Variants in AFG1L observed in about 807,000 individuals in gnomAD.
The protein encoded by AFG1L is AFG1 like ATPase.
Under a neutral mutation model 62.2 loss-of-function variants are expected in AFG1L, and 53 were observed. That is an observed-to-expected ratio of 0.85 (90% CI 0.68 to 1.07). AFG1L has a LOEUF of 1.07. AFG1L is among the 50% of genes least tolerant of loss of function. AFG1L has a pLI of 0.00. For missense variants in AFG1L, 555 were observed against 590.5 expected (o/e 0.94, Z 0.62); for synonymous variants, 228 against 210.3 (o/e 1.08, Z -0.73).
intron 6 of AFG1L, among the ~76,000 whole-genome samples, chr6:108,375,819 C>T (rs1293094562): frequency 6.6e-6 from 1 of 152,050 alleles, no homozygotes; most frequent in African/African-American, 2.4e-5. Flanking sequence ...TAGGGTGATA[C>T]TGGCTTTGTA....
At chr6:108,393,334 A>C (rs1385979002) in intron 6 of AFG1L, among the ~76,000 whole-genome samples, 3 of 152,078 alleles carry the variant, frequency 2.0e-5, no homozygotes, top group Non-Finnish European at 2.9e-5. Context: ...ATTACAAAAA[A>C]CTCTTCAATT....
At chr6:108,427,580 G>A (rs762771158) in intron 7 of AFG1L, among the ~76,000 whole-genome samples, 1 of 145,928 alleles carries the variant, frequency 6.9e-6, no homozygotes, top group Non-Finnish European at 1.5e-5. Flanking sequence ...GGAGTGCAGT[G>A]GCATAATCTT....
At chr6:108,405,291 A>G (rs1781801144) in intron 7 of AFG1L, among the ~76,000 whole-genome samples, 1 of 152,142 alleles carries the variant, frequency 6.6e-6, no homozygotes, top group African/African-American at 2.4e-5. Flanking sequence ...GAGACTTTGA[A>G]TCTTAATGTT....
chr6:108,301,946 ATT>A (rs765549539), intron 1 of AFG1L, among the ~76,000 whole-genome samples: 25 of 141,350 alleles, frequency 1.8e-4, no homozygotes, highest in Admixed American at 2.9e-4. Context: ...ATGAGACTAG[ATT>A]TTTTTTTTTT....
At chr6:108,460,559 C>G (rs1420596770) in intron 8 of AFG1L, among the ~76,000 whole-genome samples, 1 of 152,214 alleles carries the variant, frequency 6.6e-6, no homozygotes, top group East Asian at 1.9e-4. Flanking sequence ...TTCCCCTCAT[C>G]TGTTCTTCCT....
chr6:108,417,339 G>A (rs962457272), intron 7 of AFG1L, among the ~76,000 whole-genome samples: 2 of 151,202 alleles, frequency 1.3e-5, no homozygotes, highest in African/African-American at 4.9e-5. Context: ...GACCCACACT[G>A]GCAGTTTGAG....
chr6:108,450,868 A>G (rs1193642227), intron 8 of AFG1L, among the ~76,000 whole-genome samples: 2 of 151,304 alleles, frequency 1.3e-5, no homozygotes, highest in African/African-American at 4.9e-5. Context: ...TCCTTTCCCC[A>G]TTTCTTAAGA....
At chr6:108,464,031 C>T (rs991905076) in intron 8 of AFG1L, among the ~76,000 whole-genome samples, 1 of 152,114 alleles carries the variant, frequency 6.6e-6, no homozygotes, top group Non-Finnish European at 1.5e-5. Flanking sequence ...ATTTCTGCGT[C>T]GAATCAACTT....
At chr6:108,302,659 GC>G (rs1358819683) in intron 1 of AFG1L, among the ~76,000 whole-genome samples, 2 of 152,120 alleles carry the variant, frequency 1.3e-5, no homozygotes, top group African/African-American at 2.4e-5. Flanking sequence ...TTCCAAAGGA[GC>G]TTTTATTGGC....
At chr6:108,473,374 C>T (rs776430316) in intron 8 of AFG1L, among the ~76,000 whole-genome samples, 3 of 151,994 alleles carry the variant, frequency 2.0e-5, no homozygotes, top group Non-Finnish European at 4.4e-5. Context: ...ATTTATTCAC[C>T]AAATATGCTT....
intron 7 of AFG1L, among the ~76,000 whole-genome samples, chr6:108,431,180 T>G (rs1274274914): frequency 6.6e-6 from 1 of 152,040 alleles, no homozygotes; most frequent in Non-Finnish European, 1.5e-5. Flanking sequence ...CTTGGCTCAC[T>G]GCAACCTCCG....
chr6:108,476,808 T>C, intron 8 of AFG1L, 57 bp from the exon 9 acceptor site: 3 of 1,286,588 alleles, frequency 2.3e-6, no homozygotes, highest in Non-Finnish European at 3.4e-6. Flanking sequence ...CAGGCAGCTG[T>C]TTGATGTTGG....
intron 10 of AFG1L, among the ~76,000 whole-genome samples, chr6:108,503,977 A>G (rs2114883087): frequency 6.6e-6 from 1 of 152,308 alleles, no homozygotes; most frequent in Non-Finnish European, 1.5e-5. Flanking sequence ...ACCTCTTTCA[A>G]TCTTCATGTA....
intron 2 of AFG1L, among the ~76,000 whole-genome samples, chr6:108,338,940 C>T (rs754891913): frequency 6.6e-6 from 1 of 151,774 alleles, no homozygotes; most frequent in East Asian, 1.9e-4. Context: ...TGGAGTGCAG[C>T]GGCATGATCT....
intron 10 of AFG1L, among the ~76,000 whole-genome samples, chr6:108,508,496 G>A (rs927497188): frequency 1.3e-5 from 2 of 152,224 alleles, no homozygotes; most frequent in Non-Finnish European, 2.9e-5. Context: ...GGTGAGAAGA[G>A]ATGGGAGGAA....
chr6:108,345,520 G>C (rs748633115), intron 2 of AFG1L, among the ~76,000 whole-genome samples: 1 of 151,324 alleles, frequency 6.6e-6, no homozygotes. Context: ...TCACCATGCC[G>C]GCTGATTTTT....
chr6:108,297,495 G>GT (rs1438691708), intron 1 of AFG1L, among the ~76,000 whole-genome samples: 3 of 151,932 alleles, frequency 2.0e-5, no homozygotes. Context: ...TCCCTTTCCT[G>GT]TTTTTTTGGG....
At chr6:108,388,510 A>T (rs1378389591) in intron 6 of AFG1L, among the ~76,000 whole-genome samples, 2 of 152,160 alleles carry the variant, frequency 1.3e-5, no homozygotes. Context: ...TCCTGTGGGC[A>T]TTTAGTGCTA....
At chr6:108,453,527 C>T (rs182410159) in intron 8 of AFG1L, among the ~76,000 whole-genome samples, 2 of 152,274 alleles carry the variant, frequency 1.3e-5, no homozygotes, top group Admixed American at 1.3e-4. Flanking sequence ...AGCTCTGTTT[C>T]AGAAGAAAGG....
Sources: allele counts gnomAD v4.1 joint callset (sites outside exome capture counted in the v4.1 genomes callset), GRCh38; gene constraint gnomAD v4.1.1; transcripts MANE v1.5; gene names NCBI Gene and HGNC (gene_info 2026-07-23, HGNC 2026-07-21).